Variants in UBE4B observed in about 807,000 individuals in gnomAD.
UBE4B encodes the protein ubiquitin conjugation factor E4 B.
A neutral mutation model predicts 148.1 loss-of-function variants in UBE4B; 27 were observed. That is an observed-to-expected ratio of 0.18 (90% CI 0.13 to 0.25). The LOEUF is 0.25. UBE4B is among the 10% of genes least tolerant of loss of function. UBE4B has a pLI of 1.00. For synonymous variants in UBE4B, 596 were observed against 619.3 expected (o/e 0.96, Z 0.56); for missense variants, 1,170 against 1,662.4 (o/e 0.70, Z 5.15).
At chr1:10,078,155 C>T (rs968921351) in intron 2 of UBE4B, among the ~76,000 whole-genome samples, 4 of 152,108 alleles carry the variant, frequency 2.6e-5, no homozygotes, top group Non-Finnish European at 2.9e-5. Flanking sequence ...GTTACAGGTG[C>T]GTGCCACCAC....
chr1:10,119,610 C>G lies in UBE4B; in HGVS notation c.1436C>G (p.Pro479Arg). 1 of 1,612,560 alleles carries G rather than the reference C, an allele frequency of 6.2e-7. No individual in the cohort carries two copies. The highest frequency in any genetic ancestry group is 8.5e-7 in the Non-Finnish European group (1 of 1,178,966). ...GTACTACAAGGCTCCCTAACACAGC[C>G]CAGGTATGAAGACCCGTGACGTGCT... ...ALVLQGSLTQPRSLQQPSFLV... is the reference protein window; with the variant it reads ...ALVLQGSLTQRRSLQQPSFLV... The change falls in exon 9 of 28, where the codon CCC (proline) becomes CGC (arginine). Residue 479 changes from proline to arginine, a missense_variant. Transcript: ENST00000343090.
intron 2 of UBE4B, among the ~76,000 whole-genome samples, chr1:10,090,793 T>TTGTG (rs57486350): frequency 0.069 from 9,736 of 141,438 alleles, 439 homozygotes; most frequent in African/African-American, 0.12. Flanking sequence ...GCCTATGCAT[T>TTGTG]TGTGTGTGTG....
chr1:10,161,033 T>C lies in UBE4B; in HGVS notation c.3054-109T>C. 1.6e-6 allele frequency: 2 copies of C among 1,268,392 alleles called. No homozygotes were observed. Among genetic ancestry groups the C allele is most frequent in the Non-Finnish European group, 2.2e-6 (2 of 905,798 alleles). The allele number at this position is 1,268,392 out of a possible 1,614,324, so 78.6% of individuals were successfully genotyped here. A position where few individuals can be genotyped will look rare whatever the true frequency, so the allele number is the denominator to read the frequency against. On this transcript the variant is annotated intron_variant, in intron 22 of 27. Transcript: ENST00000343090. This position sits in a 1 kb window ranked among gnomAD's most constrained non-coding sequence, Gnocchi z 4.1. ...ACTTGTGCCAGGGTAGCCAGGCTTT[T>C]AGGGTGAGATAGTTGCAGTCTGGGT...
chr1:10,063,880 C>T (rs1644334784), intron 1 of UBE4B, among the ~76,000 whole-genome samples: 1 of 151,446 alleles, frequency 6.6e-6, no homozygotes, highest in African/African-American at 2.4e-5. Flanking sequence ...TGCACTTCAG[C>T]CTGGGCAACA....
chr1:10,092,887 A>T (rs114627513), intron 2 of UBE4B, among the ~76,000 whole-genome samples: 2,618 of 152,186 alleles, frequency 0.017, 34 homozygotes, highest in Non-Finnish European at 0.027. Flanking sequence ...GTGTTTAGAG[A>T]TTGAGGAGCA....
At chr1:10,108,995 A>G (rs1301721560) in intron 7 of UBE4B, among the ~76,000 whole-genome samples, 1 of 152,134 alleles carries the variant, frequency 6.6e-6, no homozygotes, top group Non-Finnish European at 1.5e-5. Context: ...TGCTGCTTTT[A>G]CTAATACCTC....
chr1:10,069,548 T>A (rs1388118109), intron 1 of UBE4B, among the ~76,000 whole-genome samples: 2 of 152,170 alleles, frequency 1.3e-5, no homozygotes, highest in Non-Finnish European at 2.9e-5. Flanking sequence ...TTTTCTTATT[T>A]TTTTGAGACG....
chr1:10,175,440 A>T (rs899126282), intron 25 of UBE4B, among the ~76,000 whole-genome samples: 1 of 151,802 alleles, frequency 6.6e-6, no homozygotes, highest in Non-Finnish European at 1.5e-5. Context: ...TCACAAGGTC[A>T]GGAGATCGAG....
chr1:10,079,147 G>A (rs1219056002), intron 2 of UBE4B, among the ~76,000 whole-genome samples: 2 of 151,998 alleles, frequency 1.3e-5, no homozygotes, highest in Admixed American at 1.3e-4. Context: ...GGCAAACTGG[G>A]GAAGCCTTTG....
At chr1:10,101,278 G>T in intron 4 of UBE4B, 83 bp downstream of exon 4, 1 of 1,370,448 alleles carries the variant, frequency 7.3e-7, no homozygotes, top group East Asian at 2.4e-5. Flanking sequence ...TGTTAGATTG[G>T]GGCCACCCGA....
chr1:10,138,038 G>A (rs1205754503), intron 17 of UBE4B, among the ~76,000 whole-genome samples: 3 of 134,560 alleles, frequency 2.2e-5, no homozygotes, highest in East Asian at 2.4e-4. Flanking sequence ...AGGTTCAAGC[G>A]ATTCTCCTGC....
chr1:10,153,326 C>T (rs538024644), intron 21 of UBE4B, among the ~76,000 whole-genome samples: 4 of 150,552 alleles, frequency 2.7e-5, no homozygotes, highest in Admixed American at 6.6e-5. Flanking sequence ...GGCAACATGG[C>T]GAGACCCCAT....
chr1:10,145,148 ATTC>A (rs1645848205), intron 18 of UBE4B, 109 bp downstream of exon 18: 1 of 760,044 alleles, frequency 1.3e-6, no homozygotes, highest in African/African-American at 1.8e-5. Context: ...TTTCTTTGTT[ATTC>A]TTTTCCCTTC....
At chr1:10,111,391 C>G (rs1307518140) in intron 7 of UBE4B, among the ~76,000 whole-genome samples, 1 of 152,110 alleles carries the variant, frequency 6.6e-6, no homozygotes, top group African/African-American at 2.4e-5. Context: ...TTGTTTCTCC[C>G]CTTCGGACCA....
chr1:10,132,442 C>A lies in UBE4B; in HGVS notation c.1985C>A (p.Ala662Glu), dbSNP rs776102839. ...CGTGAGGCTGCTCTCAGTTACATGG[C>A]GGCTGTCGTCAATGCCAATATGAAG... ...ETREAALSYM[A>E]AVVNANMKKA... is the part of the protein sequence containing the mutation. The change falls in exon 15 of 28, where the codon GCG (alanine) becomes GAG (glutamate). Residue 662 changes from alanine (A) to glutamate (E), a missense_variant. Ala to Glu is a moderately radical substitution (Grantham distance 107, BLOSUM62 -1). Coordinates refer to ENST00000343090, the MANE Select transcript of UBE4B (RefSeq NM_001105562.3). The A allele has an allele frequency of 6.2e-7, 1 of 1,614,150 alleles. No individual in the cohort carries two copies. The highest frequency in any genetic ancestry group is 1.1e-5 in the South Asian group (1 of 91,082).
At chr1:10,081,257 T>C (rs1354319689) in intron 2 of UBE4B, among the ~76,000 whole-genome samples, 1 of 150,082 alleles carries the variant, frequency 6.7e-6, no homozygotes, top group Admixed American at 6.6e-5. Flanking sequence ...ACAGGCTTTC[T>C]CTATGTTGGT....
At chr1:10,134,184 C>G (rs946157497) in intron 15 of UBE4B, among the ~76,000 whole-genome samples, 11 of 151,846 alleles carry the variant, frequency 7.2e-5, no homozygotes, top group African/African-American at 1.5e-4. Flanking sequence ...GTATTACTGA[C>G]CTGTAAGAAT....
chr1:10,110,168 C>G (rs1167987484), intron 7 of UBE4B, among the ~76,000 whole-genome samples: 1 of 152,178 alleles, frequency 6.6e-6, no homozygotes, highest in Non-Finnish European at 1.5e-5. Flanking sequence ...TTGGATCGCT[C>G]TCTCCATCTG....
At chr1:10,079,544 G>A (rs538456802) in intron 2 of UBE4B, among the ~76,000 whole-genome samples, 54 of 152,220 alleles carry the variant, frequency 3.5e-4, no homozygotes, top group Admixed American at 7.2e-4. Context: ...TTTAAAGATT[G>A]TAATACAGTT....
Sources: gnomAD v4.1 joint callset for allele counts (sites outside exome capture counted in the v4.1 genomes callset) on GRCh38, gnomAD v4.1.1 for gene constraint, Gnocchi (gnomAD v3.1) non-coding constraint, MANE v1.5 for transcripts, NCBI Gene and HGNC (gene_info 2026-07-23, HGNC 2026-07-21) for gene names.